The following AFF1 variants were observed in gnomAD, a reference collection of about 807,000 sequenced individuals.
AFF1 encodes the protein AF4/FMR2 family member 1.
A neutral mutation model predicts 121.7 loss-of-function variants in AFF1; 48 were observed. That is an observed-to-expected ratio of 0.39 (90% CI 0.31 to 0.50). The LOEUF is 0.50. AFF1 is among the 20% of genes least tolerant of loss of function. The pLI, the probability that AFF1 is intolerant of heterozygous loss-of-function variation, is 0.76. For missense variants in AFF1, 1,523 were observed against 1,511.7 expected (o/e 1.01, Z -0.12); for synonymous variants, 613 against 563.0 (o/e 1.09, Z -1.26).
chr4:87,042,952 T>G (rs1730302861), intron 2 of AFF1, among the ~76,000 whole-genome samples: 1 of 152,224 alleles, frequency 6.6e-6, no homozygotes, highest in African/African-American at 2.4e-5. Context: ...TTGATTGATT[T>G]AAAAATATTT....
intron 4 of AFF1, among the ~76,000 whole-genome samples, chr4:87,054,420 TCTC>T (rs760710068): frequency 3.8e-4 from 58 of 152,176 alleles, no homozygotes; most frequent in Admixed American, 1.9e-3. Flanking sequence ...TCCCCAAGAC[TCTC>T]CTCCTCTTTT....
chr4:86,952,841 C>T (rs559275987), intron 2 of AFF1, among the ~76,000 whole-genome samples: 51 of 151,312 alleles, frequency 3.4e-4, no homozygotes, highest in African/African-American at 1.1e-3. Context: ...CCACCACGCC[C>T]GGCTACTTTT....
rs762608784 is a variant in AFF1, at chr4:87,134,564, G to C, written c.3405G>C (p.Gly1135=). 1 of 1,614,052 alleles carries C rather than the reference G, an allele frequency of 6.2e-7. No homozygotes were observed. Among genetic ancestry groups the C allele is most frequent in the East Asian group, 2.2e-5 (1 of 44,876 alleles). ...GTGCTGGCAGTGTGGGGAGCAGTGG[G>C]GTGGCTGCCACTATCAGCACCCCAG... The part of the protein sequence containing the change: ...QSSAGSVGSS[G]VAATISTPVT... The change falls in exon 20 of 21, where the codon GGG becomes GGC. Residue 1135 remains glycine (G), a synonymous_variant. Transcript: ENST00000395146.
At chr4:87,094,718 T>A (rs1041223986) in intron 7 of AFF1, among the ~76,000 whole-genome samples, 197 bp from the exon 8 acceptor site, 7 of 152,180 alleles carry the variant, frequency 4.6e-5, no homozygotes, top group African/African-American at 1.7e-4. Context: ...TTTCAGTGTT[T>A]TTGGCCTATT....
intron 4 of AFF1, among the ~76,000 whole-genome samples, chr4:87,065,510 T>TA (rs35526401): frequency 0.63 from 92,368 of 145,528 alleles, 29,363 homozygotes; most frequent in East Asian, 0.81. Flanking sequence ...GAGGTGAGGT[T>TA]AAAAAAAAAA....
At chr4:87,031,146 G>A (rs1169216636) in intron 2 of AFF1, among the ~76,000 whole-genome samples, 12 of 152,102 alleles carry the variant, frequency 7.9e-5, no homozygotes, top group Admixed American at 7.2e-4. Context: ...AGACGTTATC[G>A]TCCCCACAGA....
At position 87,047,046 on chromosome 4, in the gene AFF1, C is replaced by G. The variant is rs768726135; in HGVS notation, c.511C>G (p.Leu171Val). The change falls in exon 4 of 21, where the codon CTT becomes GTT. Residue 171 changes from leucine to valine, a missense_variant. Around this residue, in one of 5 missense-constraint regions of AFF1, gnomAD observed 369 missense variants for 367.2 expected, o/e 1.00. Transcript: ENST00000395146. ...PDSQHLTQDR[L>V]GQEGFGSSHH... Reference sequence around the variant, plus strand: ...CAGCCAGCACCTGACCCAGGATCGCCTTGGTCAGGAGGGGTTCGGCTCTAG... The same window carrying G: ...CAGCCAGCACCTGACCCAGGATCGCGTTGGTCAGGAGGGGTTCGGCTCTAG... The G allele has an allele frequency of 1.2e-6, 2 of 1,614,050 alleles. No individual in the cohort carries two copies. The highest frequency in any genetic ancestry group is 1.7e-6 in the Non-Finnish European group (2 of 1,180,032).
intron 2 of AFF1, among the ~76,000 whole-genome samples, chr4:87,006,764 AAG>A (rs1726159812): frequency 6.6e-6 from 1 of 152,208 alleles, no homozygotes; most frequent in African/African-American, 2.4e-5. Flanking sequence ...AGAACCTGGC[AAG>A]AGAGCACTCT....
chr4:87,108,258 C>T lies in AFF1; in HGVS notation c.1476C>T (p.Ser492=), dbSNP rs1245876860. The change falls in exon 11 of 21, where the codon AGC becomes AGT. Residue 492 remains serine (S), a synonymous_variant. Transcript: ENST00000395146. ...CAGACAGTTCCTCAGACTCAGAGAG[C>T]GAGAGCAGTTCAAGTGACAGCGAAG... is the stretch of plus-strand genomic sequence containing the variant. The part of the protein sequence containing the change: ...SDSDSSSDSE[S]ESSSSDSEEN... 4.3e-6 allele frequency: 7 copies of T among 1,614,050 alleles called. No homozygotes were observed. Among genetic ancestry groups the T allele is most frequent in the African/African-American group, 1.3e-5 (1 of 75,012 alleles).
chr4:87,012,626 A>G (rs1477278644), intron 2 of AFF1, among the ~76,000 whole-genome samples: 1 of 152,228 alleles, frequency 6.6e-6, no homozygotes, highest in Admixed American at 6.5e-5. Flanking sequence ...TATTATGAAT[A>G]TAAAGTGTTC....
At position 87,115,067 on chromosome 4, in the gene AFF1, G is replaced by T. The variant is rs375900629; in HGVS notation, c.2234G>T (p.Arg745Ile). 1.2e-6 allele frequency: 2 copies of T among 1,614,068 alleles called. No homozygotes were observed. The highest frequency in any genetic ancestry group is 2.7e-5 in the African/African-American group (2 of 74,922). Residue 745 changes from arginine to isoleucine, a missense_variant, in exon 12 of 21, where the codon AGA becomes ATA. This residue lies in a region of AFF1 where 905 missense variants were observed against 842.5 expected (regional missense o/e 1.07). Coordinates refer to ENST00000395146, the MANE Select transcript of AFF1 (RefSeq NM_001166693.3). ...VVVQEDSRKD[R>I]LPLPLRDTKL... ...GTCCAGGAGGACAGCCGCAAAGACA[G>T]ACTCCCATTGCCTTTGAGAGACACC...
At chr4:87,110,742 CATA>C (rs1726413479) in intron 11 of AFF1, among the ~76,000 whole-genome samples, 1 of 151,530 alleles carries the variant, frequency 6.6e-6, no homozygotes. Flanking sequence ...AATTCAAAAT[CATA>C]ATTCATTCTC....
intron 4 of AFF1, among the ~76,000 whole-genome samples, chr4:87,066,949 C>T (rs146482061): frequency 8.4e-4 from 128 of 152,286 alleles, no homozygotes; most frequent in South Asian, 2.7e-3. Context: ...AAGTACACGA[C>T]GGCTTCTTCA....
At chr4:87,060,860 A>C (rs1482415281) in intron 4 of AFF1, among the ~76,000 whole-genome samples, 4 of 49,328 alleles carry the variant, frequency 8.1e-5, no homozygotes, top group Non-Finnish European at 1.5e-4. Context: ...AAAAAAAAAA[A>C]AAAAAAACAC....
chr4:87,007,789 C>G (rs1005701876), intron 2 of AFF1, among the ~76,000 whole-genome samples: 1 of 152,088 alleles, frequency 6.6e-6, no homozygotes. Flanking sequence ...GGATTTCTTG[C>G]TGTTGTCTCG....
rs34072831 is a variant in AFF1 at position 87,001,207 on chromosome 4, C to CTTTTTTTTTT, written c.39-44941_39-44932dup. 4.5e-4 allele frequency among the ~76,000 whole-genome samples: 27 copies of CTTTTTTTTTT among 60,316 alleles called. 5 individuals carry two copies. The highest frequency in any genetic ancestry group is 6.3e-4 in the East Asian group (1 of 1,582). 39.6% of individuals were successfully genotyped at this position (60,316 alleles called of 152,430 possible). A position where few individuals can be genotyped will look rare whatever the true frequency, so the allele number is the denominator to read the frequency against. On this transcript the variant is annotated intron_variant, in intron 2 of 20. Transcript: ENST00000395146. The stretch of plus-strand genomic sequence containing the variant: ...TGAGAGGACTGCTTTCCTTTTTCTA[C>CTTTTTTTTTT]TTTTTTTTTTTTTTTTTTTTTTTTT...
At chr4:87,090,187 A>G (rs955672567) in intron 6 of AFF1, 117 bp downstream of exon 6, 3 of 771,114 alleles carry the variant, frequency 3.9e-6, no homozygotes, top group Non-Finnish European at 6.1e-6. Flanking sequence ...TGAGGTTAAA[A>G]TTATGATTAA....
chr4:87,127,207 C>T lies in AFF1; in HGVS notation c.2903+90C>T, dbSNP rs1257895936. ...ATAGAGTCTCACTCTGTCACCCAGG[C>T]TGGAGTGTAGTGGCATGATCTTGGC... is the stretch of plus-strand genomic sequence containing the variant. On this transcript the variant is annotated intron_variant, in intron 15 of 20. Transcript: ENST00000395146. 4 of 1,134,298 alleles carry T rather than the reference C, an allele frequency of 3.5e-6. No homozygotes were observed. The African/African-American group carries it at 6.4e-5, about 18-fold the overall frequency. 70.3% of individuals were successfully genotyped at this position (1,134,298 alleles called of 1,614,324 possible). A position where few individuals can be genotyped will look rare whatever the true frequency, so the allele number is the denominator to read the frequency against.
In AFF1 at chr4:86,949,531, ATTATTATTT is replaced by A. The variant is rs1187070230; in HGVS notation, c.38+963_38+971del. On this transcript the variant is annotated intron_variant, in intron 2 of 20. Coordinates refer to ENST00000395146, the MANE Select transcript of AFF1 (RefSeq NM_001166693.3). ...TAATTTCTATTTATTAATTATTATT[ATTATTATTT>A]TTTTTTTTTTTTTTTTCCCGACTGG... 46 of 315,100 alleles carry A rather than the reference ATTATTATTT, an allele frequency of 1.5e-4. No individual in the cohort carries two copies. In the African/African-American group the frequency reaches 1.8e-3, roughly 12 times the overall value. 19.5% of individuals were successfully genotyped at this position (315,100 alleles called of 1,614,324 possible). A position where few individuals can be genotyped will look rare whatever the true frequency, so the allele number is the denominator to read the frequency against.
Sources: allele counts gnomAD v4.1 joint callset (sites outside exome capture counted in the v4.1 genomes callset), GRCh38; gene constraint gnomAD v4.1.1; regional missense constraint gnomAD v4.1.1; transcripts MANE v1.5; gene names NCBI Gene and HGNC (gene_info 2026-07-23, HGNC 2026-07-21).